The following FAM135A variants were observed in gnomAD, a reference collection of about 807,000 sequenced individuals.
FAM135A encodes family with sequence similarity 135 member A, also known as protein FAM135A.
Under a neutral mutation model 146.8 loss-of-function variants are expected in FAM135A, and 79 were observed. The ratio of observed to expected loss-of-function variants is 0.54; its 90% CI spans 0.45 to 0.65. The LOEUF is 0.65. Ranked by LOEUF, FAM135A falls within the 30% of genes least tolerant of loss-of-function variation. FAM135A has a pLI of 0.00. For missense variants in FAM135A, 1,623 were observed against 1,758.2 expected, an observed-to-expected ratio of 0.92 and a Z score of 1.38; for synonymous variants, 562 against 603.6, an observed-to-expected ratio of 0.93 and a Z score of 1.01.
At position 70,525,418 on chromosome 6, in the gene FAM135A, T is replaced by G; in HGVS notation, c.2334T>G (p.Ser778=). The part of the protein sequence containing the change: ...SDSGVESEPS[S]FATHPNTDLV... ...CAGGTGTTGAAAGTGAACCGAGTTC[T>G]TTTGCGACACATCCAAACACTGATT... Residue 778 remains serine, a synonymous_variant, in exon 15 of 22, where the codon TCT becomes TCG. Coordinates refer to ENST00000418814, the MANE Select transcript of FAM135A (RefSeq NM_001162529.3). The G allele has an allele frequency of 6.2e-7, 1 of 1,613,744 alleles. No homozygotes were observed. The highest frequency in any genetic ancestry group is 8.5e-7 in the Non-Finnish European group (1 of 1,179,694).
chr6:70,526,774 C>CAT (rs1172464290), intron 15 of FAM135A, 76 bp downstream of exon 15: 1 of 654,054 alleles, frequency 1.5e-6, no homozygotes, highest in Non-Finnish European at 2.4e-6. Context: ...CATACACACA[C>CAT]ACACACACAC....
intron 11 of FAM135A, among the ~76,000 whole-genome samples, chr6:70,500,205 G>A (rs950388168): frequency 5.9e-5 from 9 of 151,870 alleles, no homozygotes; most frequent in Non-Finnish European, 1.3e-4. Flanking sequence ...GTCTAATCTT[G>A]TCTTCATGCC....
intron 20 of FAM135A, among the ~76,000 whole-genome samples, chr6:70,539,959 G>A (rs187540152): frequency 1.4e-4 from 22 of 152,290 alleles, no homozygotes; most frequent in Non-Finnish European, 1.5e-5. Context: ...TCATGCCACT[G>A]CACTCCAGGC....
chr6:70,462,217 A>C (rs1043223887), intron 5 of FAM135A, among the ~76,000 whole-genome samples: 4 of 152,118 alleles, frequency 2.6e-5, no homozygotes, highest in African/African-American at 9.7e-5. Flanking sequence ...GCTGTTCCTT[A>C]CTAGTGTTGG....
intron 10 of FAM135A, 113 bp downstream of exon 10, chr6:70,482,267 G>T (rs1383254312): frequency 2.0e-6 from 2 of 1,001,328 alleles, no homozygotes; most frequent in Non-Finnish European, 2.8e-6. Context: ...CAGTGTTTGT[G>T]TGCTTCACTT....
chr6:70,414,696 T>C lies in FAM135A; in HGVS notation c.-219-595T>C, dbSNP rs757089568. Reference sequence around the variant, plus strand: ...AGTTTAATAACATTTCTTCTTTCTTTACCGGTTGGTGGAAGTATCATCAAA... The same window carrying C: ...AGTTTAATAACATTTCTTCTTTCTTCACCGGTTGGTGGAAGTATCATCAAA... On this transcript the variant is annotated intron_variant, in intron 1 of 21. Transcript: ENST00000418814. Among the ~76,000 whole-genome samples the C allele has an allele frequency of 3.9e-5, 6 of 152,228 alleles. 1 individual carries two copies. In the South Asian group the frequency reaches 1.2e-3, roughly 31 times the overall value.
At chr6:70,504,482 A>G (rs1321668920) in intron 12 of FAM135A, 2 of 152,252 alleles carry the variant, frequency 1.3e-5, no homozygotes, top group African/African-American at 4.8e-5. Flanking sequence ...GAGAAAGGCC[A>G]GACATGGACA....
At chr6:70,430,925 G>T (rs552011121) in intron 4 of FAM135A, among the ~76,000 whole-genome samples, 1 of 152,078 alleles carries the variant, frequency 6.6e-6, no homozygotes, top group African/African-American at 2.4e-5. Context: ...ACCAGTTGGC[G>T]TTTTTGGTAT....
At chr6:70,452,891 A>G (rs1250184347) in intron 5 of FAM135A, among the ~76,000 whole-genome samples, 1 of 152,202 alleles carries the variant, frequency 6.6e-6, no homozygotes, top group Non-Finnish European at 1.5e-5. Flanking sequence ...AATTTGACTT[A>G]TGGTTATAAA....
At chr6:70,501,872 T>C (rs73482601) in intron 11 of FAM135A, among the ~76,000 whole-genome samples, 7,018 of 152,228 alleles carry the variant, frequency 0.046, 359 homozygotes, top group African/African-American at 0.11. Flanking sequence ...TGCGATGGTG[T>C]CACTGGGAGC....
chr6:70,526,798 CACACAT>C (rs1455130070), intron 15 of FAM135A, 100 bp downstream of exon 15: 25 of 762,444 alleles, frequency 3.3e-5, no homozygotes, highest in South Asian at 4.4e-5. Flanking sequence ...CACACACACA[CACACAT>C]ATATATATAA....
intron 8 of FAM135A, among the ~76,000 whole-genome samples, chr6:70,479,695 GT>G (rs1274273876): frequency 3.3e-5 from 5 of 151,830 alleles, no homozygotes; most frequent in African/African-American, 1.2e-4. Flanking sequence ...TTATTGGTGG[GT>G]TTTTTTATCC....
chr6:70,470,740 T>C (rs1005195131), intron 5 of FAM135A, among the ~76,000 whole-genome samples: 9 of 152,194 alleles, frequency 5.9e-5, no homozygotes, highest in Middle Eastern at 3.2e-3. Flanking sequence ...AAGAGAATCA[T>C]TGGAGGCCAT....
intron 20 of FAM135A, among the ~76,000 whole-genome samples, chr6:70,545,575 C>A (rs911049328): frequency 6.6e-6 from 1 of 152,086 alleles, no homozygotes; most frequent in South Asian, 2.1e-4. Context: ...GGGATCCTGC[C>A]ACTATACTCC....
intron 11 of FAM135A, among the ~76,000 whole-genome samples, chr6:70,500,872 AC>A (rs758456824): frequency 3.9e-5 from 6 of 152,144 alleles, no homozygotes; most frequent in Admixed American, 1.3e-4. Flanking sequence ...CCAGAGGGGC[AC>A]CATCCTGATA....
rs1554166982 is a variant in FAM135A at position 70,538,835 on chromosome 6, A to ATTATATTATATTATATTATG, written c.4228+453_4228+454insGTTATATTATATTATATTAT. ...ATTATATTATATTATATTATATTAT[A>ATTATATTATATTATATTATG]TTATATTATATTATATTATATTATA... On this transcript the variant is annotated intron_variant, in intron 20 of 21. Transcript: ENST00000418814. Among the ~76,000 whole-genome samples, 466 of 146,042 alleles carry ATTATATTATATTATATTATG rather than the reference A, an allele frequency of 3.2e-3. 3 individuals carry two copies. The highest frequency in any genetic ancestry group is 0.011 in the African/African-American group (443 of 39,822).
Position 70,485,964 on chromosome 6 carries a change from A to G in FAM135A, c.823+3810A>G, listed in dbSNP as rs138922117. ...TAATTAAGACATATTGGATTATGAA[A>G]TGTTGAGTGGCACATACATTTAAAT... On this transcript the variant is annotated intron_variant, in intron 10 of 21. Coordinates refer to ENST00000418814, the MANE Select transcript of FAM135A (RefSeq NM_001162529.3). Among the ~76,000 whole-genome samples the G allele has an allele frequency of 6.1e-3, 931 of 152,370 alleles. 9 individuals carry two copies. The highest frequency in any genetic ancestry group is 0.031 in the Middle Eastern group (9 of 292).
intron 12 of FAM135A, among the ~76,000 whole-genome samples, chr6:70,518,215 A>T (rs1004074686): frequency 1.3e-5 from 2 of 152,226 alleles, no homozygotes; most frequent in Admixed American, 1.3e-4. Flanking sequence ...AGTGTTCTGG[A>T]TAGAAGATCA....
At chr6:70,454,719 GA>G (rs1273090932) in intron 5 of FAM135A, among the ~76,000 whole-genome samples, 2 of 152,098 alleles carry the variant, frequency 1.3e-5, no homozygotes, top group Non-Finnish European at 1.5e-5. Flanking sequence ...GATGGTTGTA[GA>G]TGTGTAGTGT....
Sources: allele counts gnomAD v4.1 joint callset (sites outside exome capture counted in the v4.1 genomes callset), GRCh38; gene constraint gnomAD v4.1.1; transcripts MANE v1.5; gene names NCBI Gene and HGNC (gene_info 2026-07-23, HGNC 2026-07-21).